Variants in BARX1 observed in about 807,000 individuals in gnomAD.
BARX1 encodes homeobox protein BarH-like 1.
Under a neutral mutation model 19.6 loss-of-function variants are expected in BARX1, and 10 were observed. The observed-to-expected ratio is 0.51, with a 90% CI of 0.31 to 0.86. The LOEUF (loss-of-function observed/expected upper bound fraction) is 0.86, where lower values mean the gene tolerates loss of function less well. BARX1 is among the 40% of genes least tolerant of loss of function. The probability of loss-of-function intolerance (pLI) is 0.04; values close to 1 mark genes in which losing one functional copy is unlikely to be tolerated. For synonymous variants in BARX1, 177 were observed against 170.0 expected (o/e 1.04, Z -0.32); for missense variants, 309 against 360.4 (o/e 0.86, Z 1.15).
chr9:93,952,706 G>A (rs763222783), intron 3 of BARX1, 23 bp downstream of exon 3: 3 of 1,610,624 alleles, frequency 1.9e-6, no homozygotes, highest in Non-Finnish European at 2.5e-6. Flanking sequence ...GCTGAGGGGT[G>A]GGAAGCCACC....
rs1032506090 is a variant in BARX1 at position 93,953,093 on chromosome 9, G to A, written c.318C>T (p.Pro106=). Residue 106 remains proline (P), a synonymous_variant, in exon 2 of 4, where the codon CCC becomes CCT. Coordinates refer to ENST00000253968, the MANE Select transcript of BARX1 (RefSeq NM_021570.4). Reference sequence around the variant, plus strand: ...GCGCACCCGCGGCGCCGGGCAGCCCGGGCCCTGCCGCCAGCAACGCAGAGC... The same window carrying A: ...GCGCACCCGCGGCGCCGGGCAGCCCAGGCCCTGCCGCCAGCAACGCAGAGC... ...GLSSALLAAG[P]GLPGAAGAPH... The A allele has an allele frequency of 3.2e-6, 5 of 1,555,436 alleles. No homozygotes were observed. The Admixed American group carries it at 5.8e-5, about 18-fold the overall frequency.
chr9:93,953,268 G>A (rs1223577665), intron 1 of BARX1, 81 bp from the exon 2 acceptor site: 1 of 1,407,274 alleles, frequency 7.1e-7, no homozygotes, highest in Non-Finnish European at 9.3e-7. Context: ...ACGTGCCGCG[G>A]GGGTGCTCGC....
At position 93,954,909 on chromosome 9, in the gene BARX1, G is replaced by A. The variant is rs1195252428; in HGVS notation, c.223+15C>T. ...CGCCAAGCCCGGCCCGCGACCCCGC[G>A]GCCGCCACACGTACCCAGGTGGCTG... On this transcript the variant is annotated intron_variant, in intron 1 of 3. Coordinates refer to ENST00000253968, the MANE Select transcript of BARX1 (RefSeq NM_021570.4). The A allele has an allele frequency of 7.7e-7, 1 of 1,302,798 alleles. No individual in the cohort carries two copies. Among genetic ancestry groups the A allele is most frequent in the Non-Finnish European group, 9.7e-7 (1 of 1,032,648 alleles). 80.7% of individuals were successfully genotyped at this position (1,302,798 alleles called of 1,614,324 possible).
At chr9:93,953,313 G>A (rs1829124686) in intron 1 of BARX1, 126 bp from the exon 2 acceptor site, 4 of 1,159,426 alleles carry the variant, frequency 3.4e-6, no homozygotes, top group Admixed American at 6.3e-5. Context: ...AAACCTCCAC[G>A]CCCTGCCGGT....
chr9:93,954,271 C>A (rs1022148450), intron 1 of BARX1, among the ~76,000 whole-genome samples: 4 of 152,252 alleles, frequency 2.6e-5, no homozygotes, highest in Non-Finnish European at 5.9e-5. Context: ...AGGGCAGAAG[C>A]TGAAAAGGTC....
Position 93,952,219 on chromosome 9 carries a change from G to A in BARX1, c.710C>T (p.Ala237Val). 1 of 1,611,698 alleles carries A rather than the reference G, an allele frequency of 6.2e-7. No individual in the cohort carries two copies. Among genetic ancestry groups the A allele is most frequent in the South Asian group, 1.1e-5 (1 of 91,070 alleles). The change falls in exon 4 of 4, where the codon GCA (alanine) becomes GTA (valine). Residue 237 changes from alanine (A) to valine (V), a missense_variant. Ala to Val is a moderately conservative substitution (Grantham distance 64, BLOSUM62 0). Transcript: ENST00000253968. ...QLTEQERAKD[A>V]EKPAEVPGEP... The stretch of plus-strand genomic sequence containing the variant: ...GCCCGGCACCTCCGCCGGTTTCTCT[G>A]CATCCTTGGCGCGCTCCTGCTCAGT...
In BARX1 at chr9:93,952,209, C is replaced by A. The variant is rs11793856; in HGVS notation, c.720G>T (p.Pro240=). The change falls in exon 4 of 4, where the codon CCG becomes CCT. Residue 240 remains proline (P), a synonymous_variant. Transcript: ENST00000253968. ...EQERAKDAEK[P]AEVPGEPSDR... is the part of the protein sequence containing the mutation. ...CGCTGGGCTCGCCCGGCACCTCCGCCGGTTTCTCTGCATCCTTGGCGCGCT... is the reference window on the plus strand; with the variant it reads ...CGCTGGGCTCGCCCGGCACCTCCGCAGGTTTCTCTGCATCCTTGGCGCGCT... The A allele has an allele frequency of 6.2e-7, 1 of 1,610,694 alleles. No individual in the cohort carries two copies. The highest frequency in any genetic ancestry group is 8.5e-7 in the Non-Finnish European group (1 of 1,179,764).
In BARX1 at chr9:93,951,911, G is replaced by C. The variant is rs1829106211; in HGVS notation, c.*253C>G. 3.6e-6 allele frequency: 2 copies of C among 554,728 alleles called. No individual in the cohort carries two copies. The highest frequency in any genetic ancestry group is 3.8e-5 in the African/African-American group (2 of 52,810). The allele number at this position is 554,728 out of a possible 1,614,324, so 34.4% of individuals were successfully genotyped here. On this transcript the variant is annotated 3_prime_UTR_variant, in exon 4 of 4. Coordinates refer to ENST00000253968, the MANE Select transcript of BARX1 (RefSeq NM_021570.4). The stretch of plus-strand genomic sequence containing the variant: ...GAGCGCTCTGCGCCACGGAGCTCAG[G>C]GTAGAGACTGTAGCTTCCGCCGGGC...
Position 93,953,063 on chromosome 9 carries a change from G to A in BARX1, c.348C>T (p.His116=), listed in dbSNP as rs775374432. Residue 116 remains histidine, a synonymous_variant, in exon 2 of 4, where the codon CAC becomes CAT. Transcript: ENST00000253968. ...CGCGGAGCTGCAACTCGAGCGGCAGGTGTGGCGCACCCGCGGCGCCGGGCA... is the reference window on the plus strand; with the variant it reads ...CGCGGAGCTGCAACTCGAGCGGCAGATGTGGCGCACCCGCGGCGCCGGGCA... ...PGLPGAAGAP[H]LPLELQLRGK... 1 of 1,561,580 alleles carries A rather than the reference G, an allele frequency of 6.4e-7. No individual in the cohort carries two copies. Among genetic ancestry groups the A allele is most frequent in the Admixed American group, 1.9e-5 (1 of 52,674 alleles).
chr9:93,952,860 C>G (rs1381332370), intron 2 of BARX1, 36 bp downstream of exon 2: 3 of 1,613,190 alleles, frequency 1.9e-6, no homozygotes, highest in South Asian at 2.2e-5. Context: ...GACCACACTC[C>G]CACAGCCCGC....
At chr9:93,953,966 G>T (rs1331104853) in intron 1 of BARX1, among the ~76,000 whole-genome samples, 3 of 152,222 alleles carry the variant, frequency 2.0e-5, no homozygotes, top group African/African-American at 7.2e-5. Context: ...GCGACTTGAA[G>T]GGCTGGGGTC....
chr9:93,951,799 GGT>G lies in BARX1; in HGVS notation c.*363_*364del, dbSNP rs1025498391. On this transcript the variant is annotated 3_prime_UTR_variant, in exon 4 of 4. Coordinates refer to ENST00000253968, the MANE Select transcript of BARX1 (RefSeq NM_021570.4). ...GCTGGGTCCCCGACGTCCAGAAGCG[GGT>G]GTGTGCCTGGAGGCTCCCCGGCCGG... 4.7e-6 allele frequency: 1 copy of G among 211,304 alleles called. No individual in the cohort carries two copies. The highest frequency in any genetic ancestry group is 2.3e-5 in the African/African-American group (1 of 43,338). The allele number at this position is 211,304 out of a possible 1,614,324, so 13.1% of individuals were successfully genotyped here. A position where few individuals can be genotyped will look rare whatever the true frequency, so the allele number is the denominator to read the frequency against.
chr9:93,954,601 G>A (rs775714359), intron 1 of BARX1, among the ~76,000 whole-genome samples: 3 of 152,236 alleles, frequency 2.0e-5, no homozygotes, highest in Admixed American at 6.5e-5. Flanking sequence ...TTCCACCCAC[G>A]AGAGTCCGTA....
intron 1 of BARX1, among the ~76,000 whole-genome samples, chr9:93,953,873 C>T (rs1829129644): frequency 6.6e-6 from 1 of 152,228 alleles, no homozygotes; most frequent in African/African-American, 2.4e-5. Flanking sequence ...GGCCGAGTCC[C>T]AGCTGGACTT....
chr9:93,952,257 C>A lies in BARX1; in HGVS notation c.672G>T (p.Thr224=), dbSNP rs976737743. ...GCTCCTGCTCAGTAAGCTGCTCGCT[C>A]GTTGGAATTGAGTTCTTCTTGGGCC... ...KGRPKKNSIP[T]SEQLTEQERA... The change falls in exon 4 of 4, where the codon ACG becomes ACT. Residue 224 remains threonine, a synonymous_variant. Transcript: ENST00000253968. 2.5e-6 allele frequency: 4 copies of A among 1,612,452 alleles called. No individual in the cohort carries two copies. The highest frequency in any genetic ancestry group is 3.3e-5 in the Admixed American group (2 of 60,002).
At position 93,953,101 on chromosome 9, in the gene BARX1, C is replaced by A. The variant is rs1245867728; in HGVS notation, c.310G>T (p.Ala104Ser). Residue 104 changes from alanine to serine, a missense_variant, in exon 2 of 4, where the codon GCA becomes TCA. Transcript: ENST00000253968. ...CSGLSSALLAAGPGLPGAAGA... is the reference protein window; with the variant it reads ...CSGLSSALLASGPGLPGAAGA... ...GCGGCGCCGGGCAGCCCGGGCCCTG[C>A]CGCCAGCAACGCAGAGCTCAGCCCT... The A allele has an allele frequency of 6.4e-7, 1 of 1,557,336 alleles. No individual in the cohort carries two copies. Among genetic ancestry groups the A allele is most frequent in the Non-Finnish European group, 8.7e-7 (1 of 1,151,984 alleles).
Position 93,953,113 on chromosome 9 carries a change from C to T in BARX1, c.298G>A (p.Ala100Thr), listed in dbSNP as rs1213446917. The change falls in exon 2 of 4, where the codon GCG becomes ACG. Residue 100 changes from alanine (A) to threonine (T), a missense_variant. This residue lies in a region of BARX1 where 204 missense variants were observed against 206.8 expected (regional missense o/e 0.99). Transcript: ENST00000253968. Reference sequence around the variant, plus strand: ...AGCCCGGGCCCTGCCGCCAGCAACGCAGAGCTCAGCCCTGAACAGCCCAGC... The same window carrying T: ...AGCCCGGGCCCTGCCGCCAGCAACGTAGAGCTCAGCCCTGAACAGCCCAGC... ...APLGCSGLSS[A>T]LLAAGPGLPG... 2 of 1,559,558 alleles carry T rather than the reference C, an allele frequency of 1.3e-6. No individual in the cohort carries two copies. Among genetic ancestry groups the T allele is most frequent in the Non-Finnish European group, 1.7e-6 (2 of 1,153,632 alleles).
At position 93,952,297 on chromosome 9, in the gene BARX1, G is replaced by C; in HGVS notation, c.632C>G (p.Thr211Ser). Residue 211 changes from threonine (T) to serine (S), a missense_variant, in exon 4 of 4, where the codon ACC becomes AGC. Around this residue, in one of 3 missense-constraint regions of BARX1, gnomAD observed 71 missense variants for 80.4 expected, o/e 0.88. Coordinates refer to ENST00000253968, the MANE Select transcript of BARX1 (RefSeq NM_021570.4). ...CTTCTTGGGCCGCCCCTTGGGCTTG[G>C]TGGGAGACTCCAGGCCGCCGCCCTG... ...VLQGGGLESP[T>S]KPKGRPKKNS... is the part of the protein sequence containing the mutation. 2 of 1,611,092 alleles carry C rather than the reference G, an allele frequency of 1.2e-6. No homozygotes were observed. The highest frequency in any genetic ancestry group is 8.5e-7 in the Non-Finnish European group (1 of 1,179,856).
At position 93,952,012 on chromosome 9, in the gene BARX1, T is replaced by A; in HGVS notation, c.*152A>T. 2 of 1,096,272 alleles carry A rather than the reference T, an allele frequency of 1.8e-6. No homozygotes were observed. The highest frequency in any genetic ancestry group is 5.4e-5 in the Admixed American group (2 of 37,004). The allele number at this position is 1,096,272 out of a possible 1,614,324, so 67.9% of individuals were successfully genotyped here. On this transcript the variant is annotated 3_prime_UTR_variant, in exon 4 of 4. Transcript: ENST00000253968. ...CTGGCTTTTGGGTCTGTGTCCTTCCTCGTTTGGCCCCAATTGTCCGCATTC... is the reference window on the plus strand; with the variant it reads ...CTGGCTTTTGGGTCTGTGTCCTTCCACGTTTGGCCCCAATTGTCCGCATTC...
Sources: allele counts gnomAD v4.1 joint callset (sites outside exome capture counted in the v4.1 genomes callset), GRCh38; gene constraint gnomAD v4.1.1; regional missense constraint gnomAD v4.1.1; transcripts MANE v1.5; gene names NCBI Gene and HGNC (gene_info 2026-07-23, HGNC 2026-07-21).